The following KCNMA1 variants were observed in gnomAD, a reference collection of about 807,000 sequenced individuals.
The protein encoded by KCNMA1 is potassium calcium-activated channel subfamily M alpha 1.
In KCNMA1, 29 loss-of-function variants were observed where a neutral mutation model predicts 140.0. The observed-to-expected ratio is 0.21, with a 90% CI of 0.15 to 0.28. KCNMA1 has a LOEUF of 0.28. Ranked by LOEUF, KCNMA1 falls within the 10% of genes least tolerant of loss-of-function variation. The probability of loss-of-function intolerance (pLI) is 1.00; values close to 1 mark genes in which losing one functional copy is unlikely to be tolerated. For synonymous variants in KCNMA1, 612 were observed against 611.9 expected (o/e 1.00, Z 0.00); for missense variants, 880 against 1,602.2 (o/e 0.55, Z 7.70).
At chr10:77,082,334 A>T (rs2096601018) in intron 12 of KCNMA1, among the ~76,000 whole-genome samples, 1 of 152,006 alleles carries the variant, frequency 6.6e-6, no homozygotes, top group South Asian at 2.1e-4. Flanking sequence ...GCCCTTGACC[A>T]GTAATTTCTA....
intron 2 of KCNMA1, among the ~76,000 whole-genome samples, chr10:77,343,635 G>A (rs903838683): frequency 7.2e-5 from 11 of 152,190 alleles, no homozygotes; most frequent in African/African-American, 2.2e-4. Context: ...ATATTCTAGC[G>A]AGGAGACACA....
At chr10:77,270,106 T>G (rs1187747707) in intron 2 of KCNMA1, among the ~76,000 whole-genome samples, 1 of 152,176 alleles carries the variant, frequency 6.6e-6, no homozygotes, top group African/African-American at 2.4e-5. Flanking sequence ...GATTTGGCCC[T>G]CAAGCATTGT....
chr10:77,151,718 G>A (rs2098420725), intron 5 of KCNMA1, among the ~76,000 whole-genome samples: 1 of 152,180 alleles, frequency 6.6e-6, no homozygotes, highest in African/African-American at 2.4e-5. Context: ...ACTCACACCA[G>A]GAGGACAGTG....
At chr10:76,935,219 G>A (rs925759671) in intron 23 of KCNMA1, among the ~76,000 whole-genome samples, 9 of 152,210 alleles carry the variant, frequency 5.9e-5, no homozygotes, top group Admixed American at 4.6e-4. Flanking sequence ...GACAAGAACC[G>A]TTGAAAACAA....
At chr10:76,871,205 T>A (rs926379504) in exon 28 of KCNMA1, 1 of 152,700 alleles carries the variant, frequency 6.5e-6, no homozygotes, top group Non-Finnish European at 1.5e-5. Flanking sequence ...CCTGTCCCAC[T>A]CCTCTTGCCT....
chr10:77,178,056 C>T (rs2098769099), intron 5 of KCNMA1, among the ~76,000 whole-genome samples: 1 of 152,122 alleles, frequency 6.6e-6, no homozygotes, highest in Non-Finnish European at 1.5e-5. Context: ...TGCAACTGCC[C>T]TGTGATTGGG....
rs77129429 is a variant in KCNMA1 at position 77,262,013 on chromosome 10, A to T, written c.541-10757T>A. ...AAGTTGCCACTCACTGTCACCAAGG[A>T]CTAAATTTGTGGCTATCTTTGCCCT... On this transcript the variant is annotated intron_variant, in intron 2 of 27. Coordinates refer to ENST00000286628, the MANE Select transcript of KCNMA1 (RefSeq NM_001161352.2). 1.3e-3 allele frequency among the ~76,000 whole-genome samples: 191 copies of T among 152,278 alleles called. 4 individuals carry two copies. In the East Asian group the frequency reaches 0.025, roughly 20 times the overall value.
chr10:77,225,142 C>A (rs1264497158), intron 3 of KCNMA1, among the ~76,000 whole-genome samples: 3 of 152,154 alleles, frequency 2.0e-5, no homozygotes, highest in Non-Finnish European at 2.9e-5. Flanking sequence ...AGACTCCTCC[C>A]CTGCAATGTT....
At chr10:76,996,273 AC>A (rs1250120294) in intron 19 of KCNMA1, among the ~76,000 whole-genome samples, 2 of 152,246 alleles carry the variant, frequency 1.3e-5, no homozygotes, top group African/African-American at 4.8e-5. Flanking sequence ...TGCCCACTGC[AC>A]AGAGTGAGCT....
intron 1 of KCNMA1, among the ~76,000 whole-genome samples, chr10:77,492,067 G>A (rs2040145339): frequency 6.6e-6 from 1 of 152,198 alleles, no homozygotes; most frequent in African/African-American, 2.4e-5. Context: ...TGGGCAGCAA[G>A]ATTTGACTGA....
intron 1 of KCNMA1, among the ~76,000 whole-genome samples, chr10:77,414,127 T>C (rs925824390): frequency 6.6e-6 from 1 of 152,186 alleles, no homozygotes; most frequent in South Asian, 2.1e-4. Flanking sequence ...CAGGTTTCTT[T>C]GTCTCAAATG....
rs554333250 is a variant in KCNMA1 at position 76,916,779 on chromosome 10, G to A, written c.2903-1730C>T. On this transcript the variant is annotated intron_variant, in intron 23 of 27. Coordinates refer to ENST00000286628, the MANE Select transcript of KCNMA1 (RefSeq NM_001161352.2). ...AGGTGTGAGTCAGGAATGAAATACG[G>A]GAGCTCAATAATTGCCTGTTGTTTT... 3.9e-5 allele frequency among the ~76,000 whole-genome samples: 6 copies of A among 152,284 alleles called. No homozygotes were observed. The South Asian group carries it at 1.0e-3, about 26-fold the overall frequency.
chr10:77,495,905 G>T (rs1407641644), intron 1 of KCNMA1, among the ~76,000 whole-genome samples: 1 of 152,180 alleles, frequency 6.6e-6, no homozygotes, highest in African/African-American at 2.4e-5. Context: ...CCCTGTAGTT[G>T]CTCATGGAAA....
Position 77,090,506 on chromosome 10 carries a change from T to C in KCNMA1, c.1228A>G (p.Ile410Val). ...SYSAVSGRKH[I>V]VVCGHITLES... Reference sequence around the variant, plus strand: ...AGAGTGATGTGTCCGCAGACCACAATGTGCCTGAACAGGAGAGGCCAGTTA... The same window carrying C: ...AGAGTGATGTGTCCGCAGACCACAACGTGCCTGAACAGGAGAGGCCAGTTA... The change falls in exon 10 of 28, where the codon ATT (isoleucine) becomes GTT (valine). Residue 410 changes from isoleucine (I) to valine (V), a missense_variant. By Grantham distance (29) the Ile-to-Val change is conservative. Around this residue, in one of 13 missense-constraint regions of KCNMA1, gnomAD observed 198 missense variants for 580.1 expected, o/e 0.34. Transcript: ENST00000286628. 6.2e-7 allele frequency: 1 copy of C among 1,611,636 alleles called. No individual in the cohort carries two copies. The highest frequency in any genetic ancestry group is 1.1e-5 in the South Asian group (1 of 91,048).
chr10:77,485,198 G>A (rs1406482776), intron 1 of KCNMA1, among the ~76,000 whole-genome samples: 1 of 152,198 alleles, frequency 6.6e-6, no homozygotes, highest in Non-Finnish European at 1.5e-5. Context: ...GTGTGTATTT[G>A]TATGCCCATC....
intron 7 of KCNMA1, among the ~76,000 whole-genome samples, chr10:77,111,481 G>A (rs1429033559): frequency 6.6e-6 from 1 of 152,126 alleles, no homozygotes; most frequent in Non-Finnish European, 1.5e-5. Context: ...TGGGTGCTTC[G>A]TGCTTGGTTA....
chr10:76,915,600 C>T (rs1364409677), intron 23 of KCNMA1, among the ~76,000 whole-genome samples: 1 of 152,068 alleles, frequency 6.6e-6, no homozygotes, highest in Non-Finnish European at 1.5e-5. Flanking sequence ...TGCTTTAAGC[C>T]GCTGAGATTT....
intron 14 of KCNMA1, among the ~76,000 whole-genome samples, chr10:77,065,657 A>G (rs1244187076): frequency 6.6e-6 from 1 of 152,210 alleles, no homozygotes; most frequent in Non-Finnish European, 1.5e-5. Context: ...ATTTAAAAAA[A>G]AACAGGGGGT....
At chr10:76,929,389 A>G (rs1017009476) in intron 23 of KCNMA1, among the ~76,000 whole-genome samples, 5 of 152,136 alleles carry the variant, frequency 3.3e-5, no homozygotes, top group Admixed American at 1.3e-4. Flanking sequence ...TTGACCTCTC[A>G]AATGGACACC....
Sources: gnomAD v4.1 joint callset for allele counts (sites outside exome capture counted in the v4.1 genomes callset) on GRCh38, gnomAD v4.1.1 for gene constraint, gnomAD v4.1.1 regional missense constraint, MANE v1.5 for transcripts, NCBI Gene and HGNC (gene_info 2026-07-23, HGNC 2026-07-21) for gene names.